DOCK3: variants seen among roughly 807,000 people sequenced by gnomAD.
DOCK3 encodes the protein dedicator of cytokinesis 3.
Under a neutral mutation model 265.6 loss-of-function variants are expected in DOCK3, and 60 were observed. The observed-to-expected ratio is 0.23, with a 90% confidence interval of 0.18 to 0.28. The LOEUF is 0.28. DOCK3 is among the 10% of genes least tolerant of loss of function. The pLI is 1.00. For missense variants in DOCK3, 1,981 were observed against 2,594.3 expected (o/e 0.76, Z 5.14); for synonymous variants, 881 against 938.0 (o/e 0.94, Z 1.11).
chr3:51,286,258 A>G (rs2081397375), intron 27 of DOCK3, among the ~76,000 whole-genome samples: 1 of 152,358 alleles, frequency 6.6e-6, no homozygotes, highest in South Asian at 2.1e-4. Flanking sequence ...AAAACTAACC[A>G]GAGAGGTAAA....
intron 4 of DOCK3, among the ~76,000 whole-genome samples, chr3:50,911,103 A>G (rs952280932): frequency 6.6e-6 from 1 of 151,226 alleles, no homozygotes; most frequent in African/African-American, 2.4e-5. Context: ...CCCCCTTTCT[A>G]TAGGTTGTCT....
At chr3:50,684,821 C>T (rs942388732) in intron 1 of DOCK3, among the ~76,000 whole-genome samples, 1 of 152,006 alleles carries the variant, frequency 6.6e-6, no homozygotes, top group Non-Finnish European at 1.5e-5. Flanking sequence ...CTTATCTAGT[C>T]TTTTCTATAT....
At chr3:50,682,631 A>C (rs1184649792) in intron 1 of DOCK3, among the ~76,000 whole-genome samples, 1 of 152,204 alleles carries the variant, frequency 6.6e-6, no homozygotes, top group Non-Finnish European at 1.5e-5. Context: ...ACCTACAATA[A>C]AAAATACATT....
intron 35 of DOCK3, among the ~76,000 whole-genome samples, chr3:51,333,647 G>A (rs1026757714): frequency 7.2e-5 from 11 of 152,146 alleles, no homozygotes; most frequent in Non-Finnish European, 1.5e-5. Flanking sequence ...AGAACCATAT[G>A]GCAGATGAGC....
chr3:50,986,206 A>G (rs987272354), intron 5 of DOCK3, among the ~76,000 whole-genome samples: 2 of 152,182 alleles, frequency 1.3e-5, no homozygotes, highest in Non-Finnish European at 2.9e-5. Flanking sequence ...TTTTTATCCT[A>G]GAGTGTATAA....
At chr3:50,700,207 A>G (rs1157216139) in intron 1 of DOCK3, among the ~76,000 whole-genome samples, 1 of 152,226 alleles carries the variant, frequency 6.6e-6, no homozygotes, top group Non-Finnish European at 1.5e-5. Flanking sequence ...TGAACCCAGG[A>G]GGTGGAGGTT....
At chr3:50,975,715 T>C (rs959459382) in intron 5 of DOCK3, among the ~76,000 whole-genome samples, 5 of 152,356 alleles carry the variant, frequency 3.3e-5, no homozygotes, top group Admixed American at 3.3e-4. Flanking sequence ...TCAGAAGGAA[T>C]GGTACCAGTT....
At chr3:50,989,879 AC>A (rs2078044041) in intron 5 of DOCK3, among the ~76,000 whole-genome samples, 1 of 152,318 alleles carries the variant, frequency 6.6e-6, no homozygotes, top group East Asian at 1.9e-4. Context: ...GGATGGCAAA[AC>A]CCAATCCAAG....
In DOCK3 at chr3:51,160,659, A is replaced by G. The variant is rs1279554942; in HGVS notation, c.994A>G (p.Thr332Ala). 6 of 1,613,084 alleles carry G rather than the reference A, an allele frequency of 3.7e-6. No individual in the cohort carries two copies. The change falls in exon 12 of 53, where the codon ACA becomes GCA. Residue 332 changes from threonine (T) to alanine (A), a missense_variant. Physicochemically the swap from Thr to Ala is moderately conservative, Grantham distance 58. This residue lies in a region of DOCK3 where 456 missense variants were observed against 539.0 expected (regional missense o/e 0.85). Coordinates refer to ENST00000266037, the MANE Select transcript of DOCK3 (RefSeq NM_004947.5). ...LSILDVLQSL[T>A]EVKEEKDFVL... ...CATCTTGGATGTCCTACAGTCACTC[A>G]CAGAAGTAAAGGAAGAAAAGGATTT...
rs574632428 is a variant in DOCK3 at position 51,197,828 on chromosome 3, C to T, written c.1038-10946C>T. Among the ~76,000 whole-genome samples, 3 of 152,304 alleles carry T rather than the reference C, an allele frequency of 2.0e-5. No individual in the cohort carries two copies. In the South Asian group the frequency reaches 6.2e-4, roughly 32 times the overall value. ...GGGCCAGCGGGTGGGAATGCACATT[C>T]CTCACACCTTAGTCCCAATGGGGCT... On this transcript the variant is annotated intron_variant, in intron 12 of 52. Transcript: ENST00000266037.
chr3:51,139,577 G>A (rs1159821887), intron 9 of DOCK3, among the ~76,000 whole-genome samples: 1 of 152,154 alleles, frequency 6.6e-6, no homozygotes, highest in African/African-American at 2.4e-5. Context: ...ATAGGGTTGG[G>A]CTCTTAGAAG....
intron 5 of DOCK3, among the ~76,000 whole-genome samples, chr3:50,982,383 A>T (rs2077725206): frequency 6.6e-6 from 1 of 152,028 alleles, no homozygotes; most frequent in Non-Finnish European, 1.5e-5. Flanking sequence ...TTCTGTAGTA[A>T]TGATGGCAGT....
intron 2 of DOCK3, among the ~76,000 whole-genome samples, chr3:50,812,052 C>T (rs2043791237): frequency 6.6e-6 from 1 of 152,140 alleles, no homozygotes; most frequent in African/African-American, 2.4e-5. Flanking sequence ...GCCATAGGAA[C>T]GTGTAGCCTG....
intron 19 of DOCK3, among the ~76,000 whole-genome samples, chr3:51,233,361 T>A (rs145594395): frequency 9.6e-5 from 1 of 10,424 alleles, no homozygotes; most frequent in Non-Finnish European, 6.7e-4. Context: ...TATCTATCTA[T>A]TTATTTATTT....
chr3:51,014,268 A>G (rs2079068067), intron 5 of DOCK3, among the ~76,000 whole-genome samples: 2 of 151,734 alleles, frequency 1.3e-5, no homozygotes, highest in Admixed American at 1.3e-4. Flanking sequence ...GGAGCTGCAG[A>G]CCAGAGCTGT....
intron 25 of DOCK3, 136 bp from the exon 26 acceptor site, chr3:51,277,472 G>C: frequency 3.4e-6 from 4 of 1,176,294 alleles, no homozygotes; most frequent in Non-Finnish European, 3.4e-6. Flanking sequence ...CCTTGACACT[G>C]CATGTTGGTG....
chr3:51,031,844 G>A (rs1395658696), intron 5 of DOCK3, among the ~76,000 whole-genome samples: 1 of 152,196 alleles, frequency 6.6e-6, no homozygotes, highest in African/African-American at 2.4e-5. Context: ...CAGCATGTGA[G>A]AACATAGCAT....
intron 27 of DOCK3, among the ~76,000 whole-genome samples, chr3:51,283,917 G>A (rs2081276423): frequency 6.6e-6 from 1 of 152,208 alleles, no homozygotes; most frequent in Non-Finnish European, 1.5e-5. Flanking sequence ...TGAAAACACA[G>A]TTCCTCTGTT....
chr3:50,739,855 C>T (rs1395272612), intron 1 of DOCK3, among the ~76,000 whole-genome samples: 3 of 152,040 alleles, frequency 2.0e-5, no homozygotes. Context: ...TATCAATTCA[C>T]CTTGACATTA....
Sources: gnomAD v4.1 joint callset for allele counts (sites outside exome capture counted in the v4.1 genomes callset) on GRCh38, gnomAD v4.1.1 for gene constraint, gnomAD v4.1.1 regional missense constraint, MANE v1.5 for transcripts, NCBI Gene and HGNC (gene_info 2026-07-23, HGNC 2026-07-21) for gene names.